IL1RAPL1: variants seen among roughly 807,000 people sequenced by gnomAD.
The protein encoded by IL1RAPL1 is interleukin 1 receptor accessory protein like 1, also known as interleukin-1 receptor accessory protein-like 1.
IL1RAPL1 carries 3 observed loss-of-function variants against 48.4 expected under a neutral mutation model. That is an observed-to-expected ratio of 0.06 (90% CI 0.03 to 0.16). The LOEUF is 0.16. Ranked by LOEUF, IL1RAPL1 falls within the 10% of genes least tolerant of loss-of-function variation. The pLI, the probability that IL1RAPL1 is intolerant of heterozygous loss-of-function variation, is 1.00. For synonymous variants in IL1RAPL1, 185 were observed against 187.7 expected (o/e 0.99, Z 0.12); for missense variants, 349 against 530.6 (o/e 0.66, Z 3.36).
chrX:29,644,472 T>G (rs188311665), intron 5 of IL1RAPL1, among the ~76,000 whole-genome samples: 1 of 112,207 alleles, frequency 8.9e-6, no homozygotes, highest in Non-Finnish European at 1.9e-5. Flanking sequence ...TTCTATCTTT[T>G]AACTAAGAAC....
intron 3 of IL1RAPL1, among the ~76,000 whole-genome samples, chrX:29,334,174 A>C (rs1932937157): frequency 1.4e-5 from 1 of 69,970 alleles, no homozygotes; most frequent in African/African-American, 6.5e-5. Context: ...CACCTCCCGG[A>C]CGGGGCGGCC....
intron 5 of IL1RAPL1, among the ~76,000 whole-genome samples, chrX:29,544,139 TC>T (rs768646663): frequency 1.8e-3 from 198 of 111,773 alleles, no homozygotes; most frequent in Admixed American, 2.6e-3. Context: ...GCCCTTTGTT[TC>T]CTCTCTCTGG....
chrX:29,133,146 C>T (rs771282631), intron 2 of IL1RAPL1, among the ~76,000 whole-genome samples: 50 of 111,696 alleles, frequency 4.5e-4, no homozygotes, highest in African/African-American at 1.6e-3. Context: ...TTCTACTTCC[C>T]TGAATAAGAA....
At chrX:28,844,310 A>G (rs1376915784) in intron 2 of IL1RAPL1, among the ~76,000 whole-genome samples, 1 of 106,815 alleles carries the variant, frequency 9.4e-6, no homozygotes, top group African/African-American at 3.4e-5. Flanking sequence ...TTTGAATGCC[A>G]TGTGACCTTG....
intron 1 of IL1RAPL1, among the ~76,000 whole-genome samples, chrX:28,683,211 C>A (rs920758237): frequency 9.0e-6 from 1 of 111,239 alleles, no homozygotes; most frequent in African/African-American, 3.3e-5. Flanking sequence ...GAGAAGTTCC[C>A]TTCTTATTGC....
chrX:28,907,469 T>A (rs1923247868), intron 2 of IL1RAPL1, among the ~76,000 whole-genome samples: 1 of 111,854 alleles, frequency 8.9e-6, no homozygotes, highest in African/African-American at 3.2e-5. Context: ...TGACCAGGGC[T>A]GTCTCAAACT....
At chrX:28,787,600 A>G (rs1470969110) in intron 1 of IL1RAPL1, among the ~76,000 whole-genome samples, 1 of 111,580 alleles carries the variant, frequency 9.0e-6, no homozygotes, top group Non-Finnish European at 1.9e-5. Context: ...AAATTCACTG[A>G]TTTTCTGAAT....
intron 6 of IL1RAPL1, among the ~76,000 whole-genome samples, chrX:29,689,844 A>T (rs1427008321): frequency 1.8e-5 from 2 of 112,156 alleles, no homozygotes; most frequent in Non-Finnish European, 3.8e-5. Context: ...GAATGTGTGT[A>T]TGTATATACA....
chrX:29,811,252 G>A (rs914046432), intron 6 of IL1RAPL1, among the ~76,000 whole-genome samples: 1 of 110,440 alleles, frequency 9.1e-6, no homozygotes, highest in African/African-American at 3.3e-5. Flanking sequence ...TAGGATAGAT[G>A]TAAATATATA....
At chrX:28,666,168 A>G (rs972444425) in intron 1 of IL1RAPL1, among the ~76,000 whole-genome samples, 1 of 112,008 alleles carries the variant, frequency 8.9e-6, no homozygotes, top group Admixed American at 9.5e-5. Flanking sequence ...AGGCGATGTT[A>G]CATACTAAGG....
chrX:29,324,610 G>A (rs1159891162), intron 3 of IL1RAPL1, among the ~76,000 whole-genome samples: 1 of 111,548 alleles, frequency 9.0e-6, no homozygotes, highest in African/African-American at 3.3e-5. Context: ...TACACATAAA[G>A]GTAGGGGGTA....
chrX:28,906,652 A>G (rs989380677), intron 2 of IL1RAPL1, among the ~76,000 whole-genome samples: 36 of 112,405 alleles, frequency 3.2e-4, no homozygotes, highest in African/African-American at 1.0e-3. Flanking sequence ...TCTTCTCACT[A>G]GACATATGTA....
intron 6 of IL1RAPL1, among the ~76,000 whole-genome samples, chrX:29,738,006 G>A (rs1415936517): frequency 8.9e-6 from 1 of 112,197 alleles, no homozygotes; most frequent in Non-Finnish European, 1.9e-5. Flanking sequence ...TTATCTTTAA[G>A]ATCACAGAAG....
chrX:28,848,444 G>T (rs1379686946), intron 2 of IL1RAPL1, among the ~76,000 whole-genome samples: 1 of 106,719 alleles, frequency 9.4e-6, no homozygotes, highest in African/African-American at 3.4e-5. Flanking sequence ...TACTTGTAGG[G>T]TTTTTTTTTT....
intron 2 of IL1RAPL1, among the ~76,000 whole-genome samples, chrX:29,081,517 G>T (rs1927843711): frequency 1.8e-5 from 2 of 111,300 alleles, no homozygotes; most frequent in South Asian, 3.8e-4. Context: ...ATACTTTTTT[G>T]ACCCGAATAT....
At chrX:29,843,771 T>TTC (rs111705491) in intron 6 of IL1RAPL1, among the ~76,000 whole-genome samples, 4,662 of 105,145 alleles carry the variant, frequency 0.044, 271 homozygotes, top group African/African-American at 0.15. Context: ...CTCTCTTCAA[T>TTC]TCTCTCTCTC....
chrX:28,735,381 A>C (rs1237462847), intron 1 of IL1RAPL1, among the ~76,000 whole-genome samples: 1 of 110,736 alleles, frequency 9.0e-6, no homozygotes, highest in Non-Finnish European at 1.9e-5. Flanking sequence ...CAGAAAGCAC[A>C]TATTATGCTT....
intron 1 of IL1RAPL1, among the ~76,000 whole-genome samples, chrX:28,735,433 A>C (rs1935809492): frequency 9.0e-6 from 1 of 111,226 alleles, no homozygotes; most frequent in African/African-American, 3.3e-5. Context: ...AATCTATAGA[A>C]TATTTTTCAG....
chrX:28,882,712 A>C (rs914366274), intron 2 of IL1RAPL1, among the ~76,000 whole-genome samples: 4 of 112,259 alleles, frequency 3.6e-5, no homozygotes, highest in Admixed American at 2.9e-4. Context: ...GCAGGAATTC[A>C]TCACCAGTAG....
Sources: allele counts gnomAD v4.1 joint callset (sites outside exome capture counted in the v4.1 genomes callset), GRCh38; gene constraint gnomAD v4.1.1; transcripts MANE v1.5; gene names NCBI Gene and HGNC (gene_info 2026-07-23, HGNC 2026-07-21).